LUZP2: variants seen among roughly 807,000 people sequenced by gnomAD.
LUZP2 encodes leucine zipper protein 2.
LUZP2 carries 52 observed loss-of-function variants against 51.6 expected under a neutral mutation model. That is an observed-to-expected ratio of 1.01 (90% CI 0.81 to 1.27). The LOEUF is 1.27. Ranked by LOEUF, LUZP2 falls within the 50% of genes most tolerant of loss-of-function variation. LUZP2 has a pLI of 0.00. For synonymous variants in LUZP2, 154 were observed against 137.3 expected (o/e 1.12, Z -0.85); for missense variants, 436 against 395.4 (o/e 1.10, Z -0.87).
At chr11:24,571,485 A>T (rs1852442200) in intron 1 of LUZP2, among the ~76,000 whole-genome samples, 1 of 152,030 alleles carries the variant, frequency 6.6e-6, no homozygotes, top group South Asian at 2.1e-4. Context: ...CTCAAATGCC[A>T]TTTCCAAATT....
intron 1 of LUZP2, among the ~76,000 whole-genome samples, chr11:24,607,870 A>T (rs1853984417): frequency 6.7e-6 from 1 of 148,892 alleles, no homozygotes; most frequent in African/African-American, 2.5e-5. Flanking sequence ...TATTTTTGAG[A>T]CGGAGTCTCG....
intron 9 of LUZP2, among the ~76,000 whole-genome samples, chr11:25,019,109 C>A (rs11028353): frequency 0.58 from 88,783 of 151,842 alleles, 27,168 homozygotes; most frequent in African/African-American, 0.77. Flanking sequence ...TCATTGAAGT[C>A]TATATTTTAC....
chr11:24,595,493 G>T (rs1440789527), intron 1 of LUZP2, among the ~76,000 whole-genome samples: 1 of 152,134 alleles, frequency 6.6e-6, no homozygotes, highest in Admixed American at 6.5e-5. Flanking sequence ...AGGACTGGAT[G>T]CAGTCCAGGT....
intron 5 of LUZP2, among the ~76,000 whole-genome samples, chr11:24,782,328 T>C (rs541690102): frequency 1.9e-4 from 29 of 151,996 alleles, no homozygotes; most frequent in Non-Finnish European, 3.8e-4. Flanking sequence ...CTCATGCACA[T>C]TTATTAGACA....
At chr11:24,997,166 T>C (rs1487653161) in intron 9 of LUZP2, among the ~76,000 whole-genome samples, 55 of 150,882 alleles carry the variant, frequency 3.6e-4, no homozygotes, top group African/African-American at 1.3e-3. Context: ...ATGGTATTTC[T>C]AGTTCTAGAT....
chr11:24,717,886 C>T (rs1230527117), intron 1 of LUZP2, among the ~76,000 whole-genome samples: 1 of 100,260 alleles, frequency 1.0e-5, no homozygotes, highest in East Asian at 3.1e-4. Context: ...TTGCTAATAG[C>T]CTCCAGCTCC....
intron 1 of LUZP2, among the ~76,000 whole-genome samples, chr11:24,654,544 C>G (rs1050694155): frequency 6.6e-6 from 1 of 152,054 alleles, no homozygotes; most frequent in Non-Finnish European, 1.5e-5. Context: ...CCTCTGTTTC[C>G]CAGGCTGGAG....
intron 9 of LUZP2, among the ~76,000 whole-genome samples, chr11:25,041,546 G>A (rs1485845669): frequency 1.3e-5 from 2 of 151,972 alleles, no homozygotes; most frequent in Non-Finnish European, 2.9e-5. Context: ...ATAAAATGTT[G>A]CATTTAAAGT....
chr11:24,794,740 T>G (rs1219701178), intron 5 of LUZP2, among the ~76,000 whole-genome samples: 1 of 152,114 alleles, frequency 6.6e-6, no homozygotes, highest in Non-Finnish European at 1.5e-5. Context: ...ATTTTCTAAT[T>G]TATTCTCTCA....
rs79384648 is a variant in LUZP2, at chr11:25,054,339, T to G, written c.858+4209T>G. On this transcript the variant is annotated intron_variant, in intron 10 of 11. Coordinates refer to ENST00000336930, the MANE Select transcript of LUZP2 (RefSeq NM_001009909.4). ...ACACAAGCTTTTATTTTCAATAAAG[T>G]TCAACTCATCATTTTATTCTTCATG... 7.0e-3 allele frequency among the ~76,000 whole-genome samples: 1,060 copies of G among 152,302 alleles called. 36 individuals carry two copies. The East Asian group carries it at 0.1, about 14-fold the overall frequency.
intron 1 of LUZP2, among the ~76,000 whole-genome samples, chr11:24,702,300 G>A (rs1857442417): frequency 6.6e-6 from 1 of 152,016 alleles, no homozygotes; most frequent in Admixed American, 6.6e-5. Context: ...TATGTGTTAA[G>A]AATTGTGTAC....
At chr11:24,631,873 G>T (rs535192393) in intron 1 of LUZP2, among the ~76,000 whole-genome samples, 1 of 151,806 alleles carries the variant, frequency 6.6e-6, no homozygotes, top group Non-Finnish European at 1.5e-5. Context: ...GTCATTAGTG[G>T]TCTGTTCAGG....
Position 24,794,133 on chromosome 11 carries a change from T to C in LUZP2, c.396+30825T>C, listed in dbSNP as rs930276835. ...ACATTAAGGATCTAACTAATGAGCC[T>C]GGCCTTGTTAGCCTTGTCAGATCTC... On this transcript the variant is annotated intron_variant, in intron 5 of 11. Transcript: ENST00000336930. Among the ~76,000 whole-genome samples the C allele has an allele frequency of 4.6e-5, 7 of 152,246 alleles. No individual in the cohort carries two copies. The East Asian group carries it at 1.4e-3, about 29-fold the overall frequency.
chr11:25,015,652 C>G (rs565892494), intron 9 of LUZP2, among the ~76,000 whole-genome samples: 3 of 151,978 alleles, frequency 2.0e-5, no homozygotes, highest in Admixed American at 1.3e-4. Flanking sequence ...GTAAATAACA[C>G]GACAGAGGTG....
At chr11:25,021,126 G>T (rs1366780016) in intron 9 of LUZP2, among the ~76,000 whole-genome samples, 1 of 151,834 alleles carries the variant, frequency 6.6e-6, no homozygotes, top group African/African-American at 2.4e-5. Flanking sequence ...CTGTTAAAGA[G>T]GTTTTATTAT....
intron 1 of LUZP2, among the ~76,000 whole-genome samples, chr11:24,707,045 G>T (rs1215741543): frequency 6.6e-6 from 1 of 150,376 alleles, no homozygotes; most frequent in African/African-American, 2.4e-5. Flanking sequence ...GAAGAAAAGA[G>T]AGAAGAAAAA....
At chr11:24,610,967 C>T (rs1590239896) in intron 1 of LUZP2, among the ~76,000 whole-genome samples, 1 of 151,996 alleles carries the variant, frequency 6.6e-6, no homozygotes, top group Non-Finnish European at 1.5e-5. Context: ...TTTAAGACTC[C>T]TTTTTAATAT....
intron 7 of LUZP2, among the ~76,000 whole-genome samples, chr11:24,952,234 C>T (rs1395085694): frequency 6.6e-6 from 1 of 151,568 alleles, no homozygotes; most frequent in African/African-American, 2.4e-5. Context: ...ATCGTGATCA[C>T]ATTTAAAAGT....
intron 7 of LUZP2, among the ~76,000 whole-genome samples, chr11:24,975,321 A>G (rs1255716946): frequency 6.6e-6 from 1 of 152,102 alleles, no homozygotes; most frequent in Non-Finnish European, 1.5e-5. Context: ...CAGCTTTCCT[A>G]TAGAAAATTA....
Sources: allele counts gnomAD v4.1 joint callset (sites outside exome capture counted in the v4.1 genomes callset), GRCh38; gene constraint gnomAD v4.1.1; transcripts MANE v1.5; gene names NCBI Gene and HGNC (gene_info 2026-07-23, HGNC 2026-07-21).